Variants in DESI2 observed in about 807,000 individuals in gnomAD.
DESI2 encodes desumoylating isopeptidase 2.
A neutral mutation model predicts 24.1 loss-of-function variants in DESI2; 10 were observed. The observed-to-expected ratio is 0.41, with a 90% CI of 0.26 to 0.70. DESI2 has a LOEUF of 0.70. DESI2 is among the 30% of genes least tolerant of loss of function. The pLI, the probability that DESI2 is intolerant of heterozygous loss-of-function variation, is 0.29. For missense variants in DESI2, 122 were observed against 234.9 expected (o/e 0.52, Z 3.14); for synonymous variants, 71 against 87.7 (o/e 0.81, Z 1.06).
chr1:244,672,337 C>G (rs1022980039), intron 1 of DESI2, among the ~76,000 whole-genome samples: 1 of 152,130 alleles, frequency 6.6e-6, no homozygotes, highest in Non-Finnish European at 1.5e-5. Context: ...TTCTCCATCT[C>G]TCTTGCTGCT....
At chr1:244,661,564 C>G (rs1168422666) in intron 1 of DESI2, among the ~76,000 whole-genome samples, 4 of 152,066 alleles carry the variant, frequency 2.6e-5, no homozygotes, top group African/African-American at 7.2e-5. Context: ...CCCCGCTCCC[C>G]CCACCCCACC....
chr1:244,702,383 G>A (rs1677500691), intron 4 of DESI2, among the ~76,000 whole-genome samples: 1 of 152,120 alleles, frequency 6.6e-6, no homozygotes, highest in South Asian at 2.1e-4. Context: ...GTGTGGTGGT[G>A]CATGCCTATG....
chr1:244,663,628 A>G (rs1293663051), intron 1 of DESI2, among the ~76,000 whole-genome samples: 1 of 152,218 alleles, frequency 6.6e-6, no homozygotes, highest in Admixed American at 6.5e-5. Flanking sequence ...TTAAAAGGGA[A>G]AAGATTTATG....
chr1:244,664,406 G>A (rs1038717964), intron 1 of DESI2, among the ~76,000 whole-genome samples: 4 of 152,148 alleles, frequency 2.6e-5, no homozygotes, highest in African/African-American at 7.2e-5. Flanking sequence ...CAACGAAGAC[G>A]TAATCCATAT....
At chr1:244,703,305 G>A (rs756299702) in intron 4 of DESI2, among the ~76,000 whole-genome samples, 4 of 151,962 alleles carry the variant, frequency 2.6e-5, no homozygotes, top group Non-Finnish European at 1.5e-5. Context: ...TCACCTGCCC[G>A]GCCTGTTTGG....
At position 244,699,500 on chromosome 1, in the gene DESI2, T is replaced by C. The variant is rs187916665; in HGVS notation, c.352-6056T>C. Among the ~76,000 whole-genome samples, 466 of 142,064 alleles carry C rather than the reference T, an allele frequency of 3.3e-3. 3 individuals are homozygous for C. The highest frequency in any genetic ancestry group is 0.012 in the African/African-American group (445 of 37,800). The allele number at this position is 142,064 out of a possible 152,430, so 93.2% of individuals were successfully genotyped here. A position where few individuals can be genotyped will look rare whatever the true frequency, so the allele number is the denominator to read the frequency against. ...GGGAGGCTGAGGCAGGAGAATTCCT[T>C]GAATACAGGAGGGGGAGGTTGCAGG... On this transcript the variant is annotated intron_variant, in intron 4 of 4. Coordinates refer to ENST00000302550, the MANE Select transcript of DESI2 (RefSeq NM_016076.5).
At chr1:244,701,059 G>A (rs1262419964) in intron 4 of DESI2, among the ~76,000 whole-genome samples, 2 of 152,116 alleles carry the variant, frequency 1.3e-5, no homozygotes, top group East Asian at 3.9e-4. Context: ...ACAATAGAGG[G>A]AAGAACTATT....
At chr1:244,694,662 C>T (rs1256307080) in intron 4 of DESI2, 1 of 783,348 alleles carries the variant, frequency 1.3e-6, no homozygotes, top group Non-Finnish European at 2.3e-6. Flanking sequence ...AGAGCCACAG[C>T]AGTGGCACGT....
intron 1 of DESI2, among the ~76,000 whole-genome samples, chr1:244,663,439 G>A (rs1467613702): frequency 6.6e-6 from 1 of 151,954 alleles, no homozygotes; most frequent in Non-Finnish European, 1.5e-5. Context: ...GCCTCCCAAA[G>A]TGCTGGGATT....
intron 1 of DESI2, among the ~76,000 whole-genome samples, chr1:244,674,575 A>G (rs1159970015): frequency 6.6e-6 from 1 of 152,132 alleles, no homozygotes; most frequent in African/African-American, 2.4e-5. Context: ...TGTGTAGCCT[A>G]TTCTGGGCAT....
At chr1:244,687,493 C>T (rs553600399) in intron 2 of DESI2, among the ~76,000 whole-genome samples, 6 of 152,338 alleles carry the variant, frequency 3.9e-5, no homozygotes, top group East Asian at 1.9e-4. Context: ...TTCAGCTAGG[C>T]AGTCTTTGTG....
chr1:244,678,518 C>T (rs1018846661), intron 1 of DESI2, among the ~76,000 whole-genome samples: 5 of 152,180 alleles, frequency 3.3e-5, no homozygotes, highest in African/African-American at 9.6e-5. Context: ...AGTCAACATT[C>T]GGGCATAACT....
chr1:244,655,393 T>G (rs1260025065), intron 1 of DESI2, among the ~76,000 whole-genome samples: 1 of 152,242 alleles, frequency 6.6e-6, no homozygotes, highest in African/African-American at 2.4e-5. Flanking sequence ...TTTATCGGAA[T>G]GATAAATAGT....
intron 1 of DESI2, 59 bp from the exon 2 acceptor site, chr1:244,686,538 C>A: frequency 1.9e-6 from 2 of 1,054,504 alleles, no homozygotes; most frequent in South Asian, 1.3e-5. Flanking sequence ...ACTTCTGTAG[C>A]GCGGAGTTGG....
chr1:244,657,499 C>A (rs745569934), intron 1 of DESI2, among the ~76,000 whole-genome samples: 46 of 152,280 alleles, frequency 3.0e-4, no homozygotes, highest in Non-Finnish European at 1.5e-4. Flanking sequence ...TATTATAAAC[C>A]CTTCACAGTC....
intron 1 of DESI2, among the ~76,000 whole-genome samples, chr1:244,683,665 G>A (rs1430989457): frequency 6.6e-6 from 1 of 151,804 alleles, no homozygotes; most frequent in Non-Finnish European, 1.5e-5. Flanking sequence ...AATATATCCT[G>A]GAAATTACTT....
Position 244,664,666 on chromosome 1 carries a change from C to T in DESI2, c.42+11311C>T, listed in dbSNP as rs1675981951. Among the ~76,000 whole-genome samples the T allele has an allele frequency of 2.0e-5, 3 of 152,238 alleles. No individual in the cohort carries two copies. The South Asian group carries it at 6.2e-4, about 32-fold the overall frequency. The stretch of plus-strand genomic sequence containing the variant: ...TAAGCCATGATTGTGCCACTGCACT[C>T]AGTCTGGGCAACAGAGCAAGACCCT... On this transcript the variant is annotated intron_variant, in intron 1 of 4. Transcript: ENST00000302550.
chr1:244,697,783 A>C (rs1458421904), intron 4 of DESI2, among the ~76,000 whole-genome samples: 3 of 152,162 alleles, frequency 2.0e-5, no homozygotes, highest in Non-Finnish European at 4.4e-5. Context: ...AAAAAGGCCC[A>C]AAAATTCCCA....
chr1:244,686,773 G>T, intron 2 of DESI2, 104 bp downstream of exon 2: 1 of 657,916 alleles, frequency 1.5e-6, no homozygotes, highest in Non-Finnish European at 2.6e-6. Context: ...ACTTGCATAT[G>T]TTATTACAGA....
Sources: allele counts gnomAD v4.1 joint callset (sites outside exome capture counted in the v4.1 genomes callset), GRCh38; gene constraint gnomAD v4.1.1; transcripts MANE v1.5; gene names NCBI Gene and HGNC (gene_info 2026-07-23, HGNC 2026-07-21).